The following AAGAB variants were observed in gnomAD, a reference collection of about 807,000 sequenced individuals.
AAGAB encodes the protein alpha and gamma adaptin binding protein.
Under a neutral mutation model 44.1 loss-of-function variants are expected in AAGAB, and 38 were observed. That is an observed-to-expected ratio of 0.86 (90% CI 0.67 to 1.13). The LOEUF (loss-of-function observed/expected upper bound fraction) is 1.13. AAGAB is among the 50% of genes most tolerant of loss of function. The pLI, the probability that AAGAB is intolerant of heterozygous loss-of-function variation, is 0.00. For missense variants in AAGAB, 450 were observed against 373.8 expected (o/e 1.20, Z -1.68); for synonymous variants, 131 against 131.8 (o/e 0.99, Z 0.04).
upstream of AAGAB, chr15:67,254,832 C>G (rs971089843): frequency 1.4e-5 from 21 of 1,542,754 alleles, no homozygotes; most frequent in Admixed American, 3.0e-4. Context: ...ACGAGCGGCT[C>G]CGGCTGAAGG....
rs946760528 is a variant in AAGAB at position 67,236,674 on chromosome 15, C to G, written c.220G>C (p.Ala74Pro). Reference sequence around the variant, plus strand: ...ACCACAAATGCTTGGACAGATTCTGCAATCTCTGCAGTAACAAGAAATTTG... The same window carrying G: ...ACCACAAATGCTTGGACAGATTCTGGAATCTCTGCAGTAACAAGAAATTTG... ...PNKFLVTAEI[A>P]ESVQAFVVYF... The change falls in exon 2 of 10, where the codon GCA becomes CCA. Residue 74 changes from alanine (A) to proline (P), a missense_variant. Transcript: ENST00000261880. 1.2e-6 allele frequency: 2 copies of G among 1,613,944 alleles called. No homozygotes were observed. The highest frequency in any genetic ancestry group is 1.7e-5 in the Admixed American group (1 of 59,984).
At chr15:67,205,761 T>A (rs1963671212) in intron 7 of AAGAB, among the ~76,000 whole-genome samples, 1 of 152,052 alleles carries the variant, frequency 6.6e-6, no homozygotes, top group Non-Finnish European at 1.5e-5. Context: ...AAGACAGACA[T>A]GAGTGAGGTG....
chr15:67,219,345 G>A (rs185699467), intron 5 of AAGAB, among the ~76,000 whole-genome samples: 92 of 152,284 alleles, frequency 6.0e-4, no homozygotes, highest in African/African-American at 2.2e-3. Flanking sequence ...CCCCTTTGGA[G>A]CAATAATGTC....
chr15:67,254,972 C>G (rs781306979), upstream of AAGAB: 1 of 1,606,740 alleles, frequency 6.2e-7, no homozygotes, highest in Non-Finnish European at 8.5e-7. Flanking sequence ...TCCCCCGGCC[C>G]TGCCCTGCCC....
rs35660168 is a variant in AAGAB at position 67,238,698 on chromosome 15, A to ATTTTT, written c.74-1883_74-1879dup. ...GAGCCACCACATAAAATCAGTCTTA[A>ATTTTT]TTTTTTTTTTTTTTTGAGACGGAGT... On this transcript the variant is annotated intron_variant, in intron 1 of 9. Transcript: ENST00000261880. Among the ~76,000 whole-genome samples the ATTTTT allele has an allele frequency of 1.4e-3, 210 of 145,550 alleles. 2 individuals carry two copies. The highest frequency in any genetic ancestry group is 0.012 in the East Asian group (59 of 4,918).
intron 5 of AAGAB, among the ~76,000 whole-genome samples, chr15:67,227,776 G>C (rs2140368046): frequency 6.6e-6 from 1 of 152,216 alleles, no homozygotes; most frequent in South Asian, 2.1e-4. Flanking sequence ...ATAAGATGCA[G>C]GGCTCTAAAA....
intron 6 of AAGAB, 131 bp downstream of exon 6, chr15:67,209,331 T>A (rs1045973895): frequency 1.2e-6 from 1 of 835,506 alleles, no homozygotes; most frequent in African/African-American, 1.7e-5. Context: ...TAGACCTTCC[T>A]TTCATCTATT....
Position 67,224,366 on chromosome 15 carries a change from G to A in AAGAB, c.535+7448C>T, listed in dbSNP as rs78847378. 5.2e-3 allele frequency among the ~76,000 whole-genome samples: 794 copies of A among 152,176 alleles called. 10 individuals carry two copies. The highest frequency in any genetic ancestry group is 0.018 in the African/African-American group (765 of 41,500). ...CTAAATTATGCTCCCAGATAATCAG[G>A]TACTTATAAAAGCTGTATTATTTCT... On this transcript the variant is annotated intron_variant, in intron 5 of 9. Coordinates refer to ENST00000261880, the MANE Select transcript of AAGAB (RefSeq NM_024666.5).
intron 1 of AAGAB, among the ~76,000 whole-genome samples, chr15:67,251,655 G>C (rs1964875895): frequency 6.6e-6 from 1 of 152,154 alleles, no homozygotes; most frequent in Non-Finnish European, 1.5e-5. Context: ...AGAGAAATTG[G>C]AGAACCCTAA....
Position 67,202,608 on chromosome 15 carries a change from C to T in AAGAB, c.*213G>A, listed in dbSNP as rs1285560940. 3 of 526,320 alleles carry T rather than the reference C, an allele frequency of 5.7e-6. No individual in the cohort carries two copies. The highest frequency in any genetic ancestry group is 1.0e-5 in the Non-Finnish European group (3 of 295,728). 32.6% of individuals were successfully genotyped at this position (526,320 alleles called of 1,614,324 possible). A position where few individuals can be genotyped will look rare whatever the true frequency, so the allele number is the denominator to read the frequency against. The stretch of plus-strand genomic sequence containing the variant: ...ATATTTAAGAAATCCTCACTCATTA[C>T]TATCACTGTATTCCTCACTCTCTTA... On this transcript the variant is annotated 3_prime_UTR_variant, in exon 10 of 10. Transcript: ENST00000261880.
intron 5 of AAGAB, among the ~76,000 whole-genome samples, chr15:67,229,920 C>T (rs545677511): frequency 1.7e-3 from 258 of 152,142 alleles, no homozygotes; most frequent in Non-Finnish European, 2.3e-3. Flanking sequence ...GATCTCGGCT[C>T]ACTGCAACCT....
intron 1 of AAGAB, among the ~76,000 whole-genome samples, chr15:67,240,906 T>C (rs1964579729): frequency 6.6e-6 from 1 of 152,066 alleles, no homozygotes; most frequent in African/African-American, 2.4e-5. Context: ...TGGTAACCAA[T>C]CAAATGAAAG....
intron 5 of AAGAB, among the ~76,000 whole-genome samples, chr15:67,216,257 C>T (rs1297885514): frequency 1.3e-5 from 2 of 151,832 alleles, no homozygotes; most frequent in Middle Eastern, 3.4e-3. Context: ...GCGTGGCCAA[C>T]GTGGTAAAAC....
intron 5 of AAGAB, among the ~76,000 whole-genome samples, chr15:67,222,269 CACACACACACACA>C (rs1567021042): frequency 1.3e-5 from 2 of 150,898 alleles, no homozygotes; most frequent in African/African-American, 4.9e-5. Context: ...CACACACACA[CACACACACACACA>C]CCCTCCACCC....
chr15:67,209,704 G>A (rs554536915), intron 5 of AAGAB, among the ~76,000 whole-genome samples, 160 bp from the exon 6 acceptor site: 1 of 152,332 alleles, frequency 6.6e-6, no homozygotes, highest in African/African-American at 2.4e-5. Flanking sequence ...CCAGGCTAGA[G>A]TGCAGTGGCA....
At chr15:67,227,137 G>A (rs566127370) in intron 5 of AAGAB, among the ~76,000 whole-genome samples, 3 of 152,194 alleles carry the variant, frequency 2.0e-5, no homozygotes, top group South Asian at 4.1e-4. Context: ...ATGACATAAC[G>A]TAAATGTTCT....
chr15:67,236,129 G>T, intron 3 of AAGAB, 61 bp from the exon 4 acceptor site: 3 of 1,272,684 alleles, frequency 2.4e-6, no homozygotes, highest in South Asian at 1.3e-5. Flanking sequence ...GACTATTCCT[G>T]CAATATTCTT....
intron 5 of AAGAB, among the ~76,000 whole-genome samples, chr15:67,223,303 TTG>T (rs1964124960): frequency 6.6e-6 from 1 of 152,224 alleles, no homozygotes; most frequent in African/African-American, 2.4e-5. Flanking sequence ...TAACAGCCAC[TTG>T]GAGGTCTCAG....
At chr15:67,254,245 G>T in intron 1 of AAGAB, 1 of 393,348 alleles carries the variant, frequency 2.5e-6, no homozygotes, top group Non-Finnish European at 4.3e-6. Flanking sequence ...GTAACCTAGC[G>T]CAATTTCCGG....
Sources: allele counts gnomAD v4.1 joint callset (sites outside exome capture counted in the v4.1 genomes callset), GRCh38; gene constraint gnomAD v4.1.1; transcripts MANE v1.5; gene names NCBI Gene and HGNC (gene_info 2026-07-23, HGNC 2026-07-21).